The following FAM174A variants were observed in gnomAD, a reference collection of about 807,000 sequenced individuals.
FAM174A encodes the protein family with sequence similarity 174 member A, also known as membrane protein FAM174A.
FAM174A carries 14 observed loss-of-function variants against 14.3 expected under a neutral mutation model. The observed-to-expected ratio is 0.98, with a 90% CI of 0.65 to 1.53. The LOEUF is 1.53. Ranked by LOEUF, FAM174A falls within the 40% of genes most tolerant of loss-of-function variation. The pLI, the probability that FAM174A is intolerant of heterozygous loss-of-function variation, is 0.00. For synonymous variants in FAM174A, 108 were observed against 111.4 expected (o/e 0.97, Z 0.19); for missense variants, 241 against 249.6 (o/e 0.97, Z 0.23).
At chr5:100,565,246 A>G (rs1746617785) in intron 2 of FAM174A, among the ~76,000 whole-genome samples, 3 of 151,904 alleles carry the variant, frequency 2.0e-5, no homozygotes, top group Non-Finnish European at 4.4e-5. Flanking sequence ...ATAGGTTGAA[A>G]GAAAAAAAGC....
chr5:100,576,535 A>C (rs1038163758), intron 2 of FAM174A, among the ~76,000 whole-genome samples: 1 of 152,102 alleles, frequency 6.6e-6, no homozygotes, highest in Non-Finnish European at 1.5e-5. Flanking sequence ...TATTTTTTTC[A>C]CATCATTGTC....
intron 2 of FAM174A, among the ~76,000 whole-genome samples, chr5:100,565,210 G>A (rs949185259): frequency 6.6e-6 from 1 of 151,680 alleles, no homozygotes; most frequent in Admixed American, 6.6e-5. Flanking sequence ...TTCAACACAT[G>A]CAAATCAATG....
At chr5:100,551,970 G>T (rs1254776144) in intron 1 of FAM174A, among the ~76,000 whole-genome samples, 1 of 152,088 alleles carries the variant, frequency 6.6e-6, no homozygotes, top group Non-Finnish European at 1.5e-5. Context: ...CAGTACCGGG[G>T]ATTAGGACTT....
intron 1 of FAM174A, among the ~76,000 whole-genome samples, chr5:100,554,979 C>A (rs1478837201): frequency 6.6e-6 from 1 of 151,716 alleles, no homozygotes; most frequent in African/African-American, 2.4e-5. Context: ...GCACAACATG[C>A]AGGTTTGTTA....
chr5:100,557,091 A>G (rs1746406242), intron 1 of FAM174A, among the ~76,000 whole-genome samples: 1 of 151,858 alleles, frequency 6.6e-6, no homozygotes, highest in Non-Finnish European at 1.5e-5. Flanking sequence ...GTCATAGATA[A>G]CTCTTATTAT....
At chr5:100,559,763 G>A (rs541744338) in intron 1 of FAM174A, among the ~76,000 whole-genome samples, 10 of 151,872 alleles carry the variant, frequency 6.6e-5, no homozygotes, top group Non-Finnish European at 1.3e-4. Flanking sequence ...TTGTGCATTC[G>A]TCATGTAGTT....
chr5:100,550,984 A>G (rs1167066681), intron 1 of FAM174A, among the ~76,000 whole-genome samples: 1 of 152,104 alleles, frequency 6.6e-6, no homozygotes, highest in Non-Finnish European at 1.5e-5. Flanking sequence ...TAGGCCATAT[A>G]TTATAGACTG....
chr5:100,540,861 G>C (rs892083075), intron 1 of FAM174A, among the ~76,000 whole-genome samples: 3 of 152,178 alleles, frequency 2.0e-5, no homozygotes, highest in Non-Finnish European at 4.4e-5. Context: ...AGCAATGCTT[G>C]CTCATGTAAT....
At chr5:100,567,560 C>T (rs1346038083) in intron 2 of FAM174A, among the ~76,000 whole-genome samples, 1 of 151,830 alleles carries the variant, frequency 6.6e-6, no homozygotes, top group Non-Finnish European at 1.5e-5. Context: ...TTTAAACTTA[C>T]AGAAAGTTTA....
intron 1 of FAM174A, among the ~76,000 whole-genome samples, chr5:100,537,419 T>C (rs1222800326): frequency 6.6e-6 from 1 of 152,206 alleles, no homozygotes; most frequent in East Asian, 1.9e-4. Context: ...GTAATGTGTT[T>C]ACTATTATTT....
At chr5:100,571,290 A>G (rs1214490744) in intron 2 of FAM174A, among the ~76,000 whole-genome samples, 2 of 151,698 alleles carry the variant, frequency 1.3e-5, no homozygotes, top group Non-Finnish European at 2.9e-5. Context: ...TAACACTGCC[A>G]TTATTTCTTC....
At position 100,572,084 on chromosome 5, in the gene FAM174A, C is replaced by T. The variant is rs1338688217; in HGVS notation, c.569+9896C>T. Among the ~76,000 whole-genome samples, 2 of 151,856 alleles carry T rather than the reference C, an allele frequency of 1.3e-5. 1 individual carries two copies. Among genetic ancestry groups the T allele is most frequent in the African/African-American group, 4.8e-5 (2 of 41,344 alleles). ...TTTTTAAGAACTGTTGAAAGTTTTA[C>T]AGAAGTACTTTAAAATATTATCTAT... On this transcript the variant is annotated intron_variant, in intron 2 of 2. Transcript: ENST00000312637.
intron 1 of FAM174A, among the ~76,000 whole-genome samples, chr5:100,537,856 G>A (rs1745970113): frequency 1.3e-5 from 2 of 152,050 alleles, no homozygotes; most frequent in Admixed American, 1.3e-4. Context: ...ATGATAATTT[G>A]GGGGGAATAT....
At chr5:100,565,565 A>G (rs1172597544) in intron 2 of FAM174A, among the ~76,000 whole-genome samples, 1 of 151,874 alleles carries the variant, frequency 6.6e-6, no homozygotes, top group East Asian at 1.9e-4. Context: ...CACAGCTGTT[A>G]TGGAAAGCAG....
chr5:100,580,204 T>C (rs966770105), intron 2 of FAM174A, among the ~76,000 whole-genome samples: 4 of 152,214 alleles, frequency 2.6e-5, no homozygotes, highest in African/African-American at 9.7e-5. Flanking sequence ...GTCTGACAGC[T>C]ACTGTAAGAT....
intron 1 of FAM174A, among the ~76,000 whole-genome samples, chr5:100,540,312 G>T (rs1339788651): frequency 2.0e-5 from 3 of 152,112 alleles, no homozygotes; most frequent in Non-Finnish European, 4.4e-5. Context: ...CACTAATTCA[G>T]TAAATATTAT....
chr5:100,573,856 T>C (rs1399211562), intron 2 of FAM174A, among the ~76,000 whole-genome samples: 1 of 151,664 alleles, frequency 6.6e-6, no homozygotes, highest in Non-Finnish European at 1.5e-5. Flanking sequence ...CAAAACAGCA[T>C]GGTACTGGTA....
Position 100,586,090 on chromosome 5 carries a change from C to T in FAM174A, c.570-91C>T, listed in dbSNP as rs186074424. 4.2e-3 allele frequency: 2,537 copies of T among 606,756 alleles called. 13 individuals are homozygous for T. Among genetic ancestry groups the T allele is most frequent in the Non-Finnish European group, 5.5e-3 (1,949 of 353,506 alleles). 37.6% of individuals were successfully genotyped at this position (606,756 alleles called of 1,614,324 possible). A position where few individuals can be genotyped will look rare whatever the true frequency, so the allele number is the denominator to read the frequency against. On this transcript the variant is annotated intron_variant, in intron 2 of 2. Transcript: ENST00000312637. ...GACTAAGTACTTTTATTATATTCTT[C>T]CTTCCCCTCCAAATCTTTCTGAATA... is the stretch of plus-strand genomic sequence containing the variant.
chr5:100,582,022 G>A (rs1002304971), intron 2 of FAM174A, among the ~76,000 whole-genome samples: 11 of 152,044 alleles, frequency 7.2e-5, no homozygotes, highest in African/African-American at 2.7e-4. Flanking sequence ...ATTCCTCAGG[G>A]TCTCATATAT....
Sources: gnomAD v4.1 joint callset for allele counts (sites outside exome capture counted in the v4.1 genomes callset) on GRCh38, gnomAD v4.1.1 for gene constraint, MANE v1.5 for transcripts, NCBI Gene and HGNC (gene_info 2026-07-23, HGNC 2026-07-21) for gene names.